FLNA: variants seen among roughly 807,000 people sequenced by gnomAD.
FLNA encodes filamin A, also known as filamin-A.
A neutral mutation model predicts 157.6 loss-of-function variants in FLNA; 7 were observed. That is an observed-to-expected ratio of 0.04 (90% confidence interval 0.03 to 0.08). The LOEUF (loss-of-function observed/expected upper bound fraction) is 0.08, where lower values mean the gene tolerates loss of function less well. Ranked by LOEUF, FLNA falls within the 10% of genes least tolerant of loss-of-function variation. The pLI is 1.00. For missense variants in FLNA, 1,750 were observed against 2,398.4 expected (o/e 0.73, Z 5.65); for synonymous variants, 1,103 against 1,060.8 (o/e 1.04, Z -0.77).
chrX:154,360,656 C>G, intron 21 of FLNA, 69 bp from the exon 22 acceptor site: 1 of 985,842 alleles, frequency 1.0e-6, no homozygotes. Flanking sequence ...GCTTGACTTT[C>G]CACCTGCCTC....
chrX:154,349,637 C>T lies in FLNA; in HGVS notation c.7552+12G>A. ...CGTTGGGCAGATGCCAATAGCTTGG[C>T]CCCAGGCTCACCTGTGACTTTGGCC... On this transcript the variant is annotated intron_variant, in intron 46 of 47. Coordinates refer to ENST00000369850, the MANE Select transcript of FLNA (RefSeq NM_001110556.2). The T allele has an allele frequency of 8.3e-7, 1 of 1,211,308 alleles. No homozygotes were observed. The highest frequency in any genetic ancestry group is 1.8e-5 in the South Asian group (1 of 57,039).
Position 154,348,608 on chromosome X carries a change from A to G in FLNA, c.*241T>C, listed in dbSNP as rs925953600. ...GTTGTGTACAGGACCCCCATCCCTC[A>G]CCCCTCCCAGAACCAAAGAAGACAA... On this transcript the variant is annotated 3_prime_UTR_variant, in exon 48 of 48. Coordinates refer to ENST00000369850, the MANE Select transcript of FLNA (RefSeq NM_001110556.2). 26 of 382,131 alleles carry G rather than the reference A, an allele frequency of 6.8e-5. No homozygotes were observed. The highest frequency in any genetic ancestry group is 3.7e-4 in the Middle Eastern group (1 of 2,693). The allele number at this position is 382,131 out of a possible 1,213,427, so 31.5% of individuals were successfully genotyped here. A position where few individuals can be genotyped will look rare whatever the true frequency, so the allele number is the denominator to read the frequency against.
intron 2 of FLNA, among the ~76,000 whole-genome samples, chrX:154,369,816 A>G (rs984699690): frequency 2.7e-5 from 3 of 112,030 alleles, no homozygotes; most frequent in Non-Finnish European, 3.8e-5. Flanking sequence ...CAAAGAAAGA[A>G]CTTTGGTTCT....
At chrX:154,352,059 C>A in intron 41 of FLNA, 38 bp from the exon 42 acceptor site, 1 of 1,210,425 alleles carries the variant, frequency 8.3e-7, no homozygotes, top group Non-Finnish European at 1.1e-6. Context: ...AAGGCTGCTT[C>A]ACCAGCCTCG....
In FLNA at chrX:154,358,113, G is replaced by A; in HGVS notation, c.4755+86C>T. The A allele has an allele frequency of 8.5e-6, 9 of 1,055,220 alleles. No individual in the cohort carries two copies. The South Asian group carries it at 1.5e-4, about 18-fold the overall frequency. 87.0% of individuals were successfully genotyped at this position (1,055,220 alleles called of 1,213,427 possible). On this transcript the variant is annotated intron_variant, in intron 28 of 47. Coordinates refer to ENST00000369850, the MANE Select transcript of FLNA (RefSeq NM_001110556.2). ...TCCCTGCCCTCCTTGGTGCAGCTCCGCAGGGAGATCAGACACCAGCCACCC... is the reference window on the plus strand; with the variant it reads ...TCCCTGCCCTCCTTGGTGCAGCTCCACAGGGAGATCAGACACCAGCCACCC...
intron 15 of FLNA, among the ~76,000 whole-genome samples, chrX:154,363,375 G>A (rs2067728314): frequency 9.4e-6 from 1 of 106,914 alleles, no homozygotes; most frequent in African/African-American, 3.4e-5. Flanking sequence ...CTGAGATCAC[G>A]TCATTGCACT....
In FLNA at chrX:154,365,116, G is replaced by A; in HGVS notation, c.1691+20C>T. ...AGGCAGAGTGTGCAGAGCTGGGAGA[G>A]GGATGCCTGGGGGCCTCACCTGCGC... On this transcript the variant is annotated intron_variant, in intron 11 of 47. Coordinates refer to ENST00000369850, the MANE Select transcript of FLNA (RefSeq NM_001110556.2). 8.3e-7 allele frequency: 1 copy of A among 1,211,357 alleles called. No individual in the cohort carries two copies. Among genetic ancestry groups the A allele is most frequent in the Non-Finnish European group, 1.1e-6 (1 of 895,195 alleles).
rs782086308 is a variant in FLNA, at chrX:154,354,843, G to A, written c.5199C>T (p.Asn1733=). 19 of 1,210,935 alleles carry A rather than the reference G, an allele frequency of 1.6e-5. No individual in the cohort carries two copies. The highest frequency in any genetic ancestry group is 2.0e-5 in the Non-Finnish European group (18 of 895,473). Residue 1733 remains asparagine (N), a synonymous_variant, in exon 31 of 48, where the codon AAC becomes AAT. Transcript: ENST00000369850. ...TCCTCACCGTCACTTGGAAGGGGCT[G>A]TTGGGCACGTGCTCGCCACCAAAGC... ...CVRFGGEHVP[N]SPFQVTALAG...
At chrX:154,361,629 A>T in intron 20 of FLNA, 41 bp downstream of exon 20, 1 of 1,206,933 alleles carries the variant, frequency 8.3e-7, no homozygotes, top group Non-Finnish European at 1.1e-6. Context: ...CAATCCCTGG[A>T]TGTGACAAAG....
chrX:154,349,862 G>C lies in FLNA; in HGVS notation c.7339C>G (p.Pro2447Ala). The C allele has an allele frequency of 8.3e-7, 1 of 1,210,209 alleles. No individual in the cohort carries two copies. The highest frequency in any genetic ancestry group is 1.1e-6 in the Non-Finnish European group (1 of 894,501). ...CTCGTGTTCACGACGAACTCAGCTG[G>C]GTTCCCTGGGAGCACAGGAGGTCAG... Reference protein sequence around the residue: ...AGLEGGVTGNPAEFVVNTSNA... With the variant: ...AGLEGGVTGNAAEFVVNTSNA... Residue 2447 changes from proline to alanine, a missense_variant, in exon 46 of 48, where the codon CCA (proline) becomes GCA (alanine). This residue lies in a region of FLNA where 970 missense variants were observed against 1,302.6 expected (regional missense o/e 0.74). Transcript: ENST00000369850.
rs1557175446 is a variant in FLNA at position 154,350,131 on chromosome X, G to A, written c.7233C>T (p.Ile2411=). ...LIDVKFNGTH[I]PGSPFKIRVG... ...CTCGGATCTTGAAGGGGCTTCCAGG[G>A]ATGTGGGTGCCGTTGAACTTGACGT... The change falls in exon 45 of 48, where the codon ATC becomes ATT. Residue 2411 remains isoleucine, a synonymous_variant. Transcript: ENST00000369850. 8.3e-7 allele frequency: 1 copy of A among 1,211,101 alleles called. No individual in the cohort carries two copies. The highest frequency in any genetic ancestry group is 3.0e-5 in the East Asian group (1 of 33,862).
chrX:154,356,443 C>A (rs1557176863), intron 30 of FLNA, among the ~76,000 whole-genome samples: 1 of 112,083 alleles, frequency 8.9e-6, no homozygotes, highest in East Asian at 2.8e-4. Context: ...ACACGCCTGT[C>A]ACACACACAT....
chrX:154,363,913 T>C, intron 15 of FLNA, 109 bp downstream of exon 15: 1 of 846,540 alleles, frequency 1.2e-6, no homozygotes, highest in African/African-American at 2.0e-5. Context: ...CACCAGGAGC[T>C]GTGGGACAGG....
intron 5 of FLNA, 47 bp downstream of exon 5, chrX:154,367,350 G>A (rs782203651): frequency 1.7e-6 from 2 of 1,192,153 alleles, no homozygotes; most frequent in African/African-American, 3.5e-5. Flanking sequence ...ACTGTCTTAT[G>A]GGGAAGACGT....
chrX:154,349,069 C>T (rs782348775), intron 47 of FLNA, 33 bp from the exon 48 acceptor site: 174 of 1,158,102 alleles, frequency 1.5e-4, no homozygotes, highest in Non-Finnish European at 2.0e-4. Flanking sequence ...TCCCAGGTCC[C>T]AGCCCCCTTC....
chrX:154,357,662 C>A, intron 28 of FLNA, 39 bp from the exon 29 acceptor site: 2 of 1,152,299 alleles, frequency 1.7e-6, no homozygotes, highest in Non-Finnish European at 2.4e-6. Context: ...GGCCCAAGCC[C>A]GAGTAGCCCC....
At position 154,361,342 on chromosome X, in the gene FLNA, G is replaced by A. The variant is rs782614645; in HGVS notation, c.3173C>T (p.Pro1058Leu). 8 of 1,210,708 alleles carry A rather than the reference G, an allele frequency of 6.6e-6. No homozygotes were observed. In the East Asian group the frequency reaches 1.2e-4, roughly 18 times the overall value. ...DGVPVPGSPF[P>L]LEAVAPTKPS... ...CTTGGTGGGGGCCACAGCTTCCAGA[G>A]GAAAGGGGCTGCCAGGCACGGGCAC... is the stretch of plus-strand genomic sequence containing the variant. Residue 1058 changes from proline to leucine, a missense_variant, in exon 21 of 48, where the codon CCT becomes CTT. Physicochemically the swap from Pro to Leu is moderately conservative, Grantham distance 98. This residue lies in a region of FLNA where 648 missense variants were observed against 805.8 expected (regional missense o/e 0.80). Coordinates refer to ENST00000369850, the MANE Select transcript of FLNA (RefSeq NM_001110556.2).
Position 154,352,410 on chromosome X carries a change from G to A in FLNA, c.6540C>T (p.Ser2180=), listed in dbSNP as rs781992483. 5 of 1,212,094 alleles carry A rather than the reference G, an allele frequency of 4.1e-6. No homozygotes were observed. The East Asian group carries it at 1.2e-4, about 29-fold the overall frequency. The part of the protein sequence containing the change: ...SIQDMTAQVT[S]PSGKTHEAEI... ...CGGCCTCATGGGTCTTGCCCGATGG[G>A]CTGGTCACCTGGGCTGTCATATCCT... The change falls in exon 41 of 48, where the codon AGC becomes AGT. Residue 2180 remains serine (S), a synonymous_variant. Transcript: ENST00000369850.
Position 154,367,632 on chromosome X carries a change from C to T in FLNA, c.720+9G>A, listed in dbSNP as rs781887001. 43 of 1,209,607 alleles carry T rather than the reference C, an allele frequency of 3.6e-5. No homozygotes were observed. The highest frequency in any genetic ancestry group is 8.7e-5 in the African/African-American group (5 of 57,495). On this transcript the variant is annotated intron_variant, in intron 4 of 47. Coordinates refer to ENST00000369850, the MANE Select transcript of FLNA (RefSeq NM_001110556.2). The stretch of plus-strand genomic sequence containing the variant: ...CCCCTACAGCTGTAGCCAGGCCGGG[C>T]GGGTGTACCTGGGGGATGCCCAGCC...
Sources: allele counts gnomAD v4.1 joint callset (sites outside exome capture counted in the v4.1 genomes callset), GRCh38; gene constraint gnomAD v4.1.1; regional missense constraint gnomAD v4.1.1; transcripts MANE v1.5; gene names NCBI Gene and HGNC (gene_info 2026-07-23, HGNC 2026-07-21).